ATP7A: variants seen among roughly 807,000 people sequenced by gnomAD.
ATP7A encodes copper-transporting ATPase 1.
A neutral mutation model predicts 83.5 loss-of-function variants in ATP7A; 7 were observed. The ratio of observed to expected loss-of-function variants is 0.08; its 90% CI spans 0.05 to 0.16. The LOEUF (loss-of-function observed/expected upper bound fraction) is 0.16, where lower values mean the gene tolerates loss of function less well. ATP7A is among the 10% of genes least tolerant of loss of function. The pLI is 1.00. For missense variants in ATP7A, 940 were observed against 1,120.8 expected (o/e 0.84, Z 2.30); for synonymous variants, 354 against 395.2 (o/e 0.90, Z 1.24).
chrX:77,961,121 G>A (rs981462429), intron 1 of ATP7A, among the ~76,000 whole-genome samples: 1 of 111,445 alleles, frequency 9.0e-6, no homozygotes, highest in Non-Finnish European at 1.9e-5. Flanking sequence ...GGTGAATTAC[G>A]AAAGCGAAAG....
In ATP7A at chrX:78,047,166, T is replaced by G. The variant is rs1557239260; in HGVS notation, c.*596T>G. On this transcript the variant is annotated 3_prime_UTR_variant, in exon 23 of 23. Coordinates refer to ENST00000341514, the MANE Select transcript of ATP7A (RefSeq NM_000052.7). ...TCCTTGCAGGTGCTTTTTTAGATGC[T>G]CCAATATGTCTTCTTTTGTTATTTT... 1 of 112,395 alleles carries G rather than the reference T, an allele frequency of 8.9e-6. No homozygotes were observed. Among genetic ancestry groups the G allele is most frequent in the African/African-American group, 3.2e-5 (1 of 30,777 alleles). The allele number at this position is 112,395 out of a possible 1,213,427, so 9.3% of individuals were successfully genotyped here. A position where few individuals can be genotyped will look rare whatever the true frequency, so the allele number is the denominator to read the frequency against.
At chrX:78,009,387 C>A in intron 7 of ATP7A, 124 bp downstream of exon 7, 1 of 796,281 alleles carries the variant, frequency 1.3e-6, no homozygotes, top group Non-Finnish European at 1.9e-6. Context: ...ACACTTCAAA[C>A]AAGATCTGTC....
chrX:77,941,664 G>C (rs781922292), intron 1 of ATP7A, among the ~76,000 whole-genome samples: 2 of 111,733 alleles, frequency 1.8e-5, no homozygotes, highest in Admixed American at 1.9e-4. Context: ...GCATTACAGA[G>C]GCTTTAAAAT....
intron 4 of ATP7A, among the ~76,000 whole-genome samples, chrX:77,997,844 A>AT (rs1212487533): frequency 6.3e-5 from 7 of 110,627 alleles, no homozygotes; most frequent in Non-Finnish European, 1.1e-4. Flanking sequence ...CCACAGACAT[A>AT]TTAAAATTTA....
At chrX:77,945,522 A>G (rs782264892) in intron 1 of ATP7A, among the ~76,000 whole-genome samples, 5 of 111,998 alleles carry the variant, frequency 4.5e-5, no homozygotes, top group Non-Finnish European at 9.4e-5. Context: ...TATATTTTAG[A>G]TAACTGATAT....
intron 1 of ATP7A, among the ~76,000 whole-genome samples, chrX:77,953,798 T>A (rs1557227048): frequency 1.8e-5 from 2 of 112,546 alleles, no homozygotes; most frequent in African/African-American, 6.5e-5. Flanking sequence ...GTTAATCCTT[T>A]TGAGGTTATT....
chrX:77,948,099 T>TCA (rs1557226398), intron 1 of ATP7A, among the ~76,000 whole-genome samples: 18 of 96,707 alleles, frequency 1.9e-4, no homozygotes, highest in African/African-American at 4.8e-4. Context: ...ATTTATTTAT[T>TCA]TATTCATTCA....
At chrX:78,034,514 A>C (rs1242391579) in intron 17 of ATP7A, among the ~76,000 whole-genome samples, 2 of 111,194 alleles carry the variant, frequency 1.8e-5, no homozygotes, top group African/African-American at 6.5e-5. Flanking sequence ...CTCCACAGTC[A>C]TGCCTCAGTT....
intron 1 of ATP7A, chrX:77,969,330 A>G: frequency 8.3e-7 from 1 of 1,211,541 alleles, no homozygotes; most frequent in Non-Finnish European, 1.1e-6. Context: ...GCTTTGCAGC[A>G]GTTTCTGCTT....
At position 77,981,169 on chromosome X, in the gene ATP7A, T is replaced by C. The variant is rs944834360; in HGVS notation, c.121-7073T>C. ...ATATGGGACTCTTTTTTTGGCTTCT[T>C]AGCTTTTTCTGGCAAATGACAGTGC... On this transcript the variant is annotated intron_variant, in intron 2 of 22. Transcript: ENST00000341514. 7.1e-5 allele frequency among the ~76,000 whole-genome samples: 8 copies of C among 111,970 alleles called. 1 individual carries two copies. Among genetic ancestry groups the C allele is most frequent in the African/African-American group, 2.3e-4 (7 of 30,872 alleles).
rs2149107203 is a variant in ATP7A at position 78,033,725 on chromosome X, G to A, written c.3415G>A (p.Asp1139Asn). The change falls in exon 17 of 23, where the codon GAC becomes AAC. Residue 1139 changes from aspartate to asparagine, a missense_variant. Coordinates refer to ENST00000341514, the MANE Select transcript of ATP7A (RefSeq NM_000052.7). ...ACATAAGAATAACTGGAATATAGAGGACAATAATATTAAAAATGCATCCCT... is the reference window on the plus strand; with the variant it reads ...ACATAAGAATAACTGGAATATAGAGAACAATAATATTAAAAATGCATCCCT... ...LLHKNNWNIE[D>N]NNIKNASLVQ... The A allele has an allele frequency of 1.7e-6, 2 of 1,210,017 alleles. No individual in the cohort carries two copies. The highest frequency in any genetic ancestry group is 1.8e-5 in the South Asian group (1 of 56,925).
chrX:77,931,728 C>T (rs2077278288), intron 1 of ATP7A, among the ~76,000 whole-genome samples: 1 of 103,072 alleles, frequency 9.7e-6, no homozygotes, highest in South Asian at 4.5e-4. Context: ...TGGGCAGAGG[C>T]ACCCCTCACC....
intron 1 of ATP7A, among the ~76,000 whole-genome samples, chrX:77,912,262 G>C (rs1209835263): frequency 9.0e-6 from 1 of 111,646 alleles, no homozygotes. Context: ...TGTTATGAGA[G>C]TGCAGGGAAG....
intron 1 of ATP7A, chrX:77,969,229 CT>C (rs2077529423): frequency 8.3e-7 from 1 of 1,210,573 alleles, no homozygotes; most frequent in African/African-American, 1.7e-5. Context: ...GCGATCCTTA[CT>C]GATGTTGCTG....
rs544363844 is a variant in ATP7A, at chrX:77,989,870, T to C, written c.1248T>C (p.Asn416=). Residue 416 remains asparagine (N), a synonymous_variant, in exon 4 of 23, where the codon AAT becomes AAC. Transcript: ENST00000341514. ...KSIRVSLANS[N]GTVEYDPLLT... Reference sequence around the variant, plus strand: ...TACGAGTCTCCCTTGCAAATAGCAATGGGACTGTTGAGTATGATCCTCTAC... The same window carrying C: ...TACGAGTCTCCCTTGCAAATAGCAACGGGACTGTTGAGTATGATCCTCTAC... The C allele has an allele frequency of 2.5e-6, 3 of 1,209,526 alleles. No homozygotes were observed. In the South Asian group the frequency reaches 5.3e-5, roughly 21 times the overall value.
intron 6 of ATP7A, among the ~76,000 whole-genome samples, chrX:78,008,014 C>G (rs1393420518): frequency 8.9e-6 from 1 of 112,161 alleles, no homozygotes; most frequent in African/African-American, 3.2e-5. Context: ...CTATGAAATA[C>G]TATGTCTTAT....
At chrX:77,928,565 G>A (rs890278764) in intron 1 of ATP7A, among the ~76,000 whole-genome samples, 1 of 111,026 alleles carries the variant, frequency 9.0e-6, no homozygotes, top group Non-Finnish European at 1.9e-5. Context: ...AGAGATATAT[G>A]TTCCTTGGCA....
intron 4 of ATP7A, among the ~76,000 whole-genome samples, chrX:77,997,606 T>G (rs1478247068): frequency 9.1e-6 from 1 of 110,174 alleles, no homozygotes; most frequent in Non-Finnish European, 1.9e-5. Flanking sequence ...GAGAAAATCT[T>G]TGGCTTTTTT....
rs782217319 is a variant in ATP7A, at chrX:78,021,124, T to C, written c.2916+45T>C. 8 of 1,141,091 alleles carry C rather than the reference T, an allele frequency of 7.0e-6. No individual in the cohort carries two copies. The African/African-American group carries it at 1.4e-4, about 20-fold the overall frequency. 94.0% of individuals were successfully genotyped at this position (1,141,091 alleles called of 1,213,427 possible). A position where few individuals can be genotyped will look rare whatever the true frequency, so the allele number is the denominator to read the frequency against. ...TCGTTACTATATGCAGAACAATTTG[T>C]GAGTCTTTTGCATTAGTAATTCATT... is the stretch of plus-strand genomic sequence containing the variant. On this transcript the variant is annotated intron_variant, in intron 14 of 22. Transcript: ENST00000341514.
Sources: allele counts gnomAD v4.1 joint callset (sites outside exome capture counted in the v4.1 genomes callset), GRCh38; gene constraint gnomAD v4.1.1; transcripts MANE v1.5; gene names NCBI Gene and HGNC (gene_info 2026-07-23, HGNC 2026-07-21).